Variants in RTF1 observed in about 807,000 individuals in gnomAD.
RTF1 encodes the protein RTF1 homolog, Paf1/RNA polymerase II complex component.
Under a neutral mutation model 95.7 loss-of-function variants are expected in RTF1, and 10 were observed. The observed-to-expected ratio is 0.10, with a 90% confidence interval of 0.06 to 0.18. RTF1 has a LOEUF of 0.18. Among genes scored for constraint, RTF1 ranks in the 10% least tolerant of loss-of-function variants. RTF1 has a pLI of 1.00. For synonymous variants in RTF1, 305 were observed against 311.8 expected, an observed-to-expected ratio of 0.98 and a Z score of 0.23; for missense variants, 458 against 875.6, an observed-to-expected ratio of 0.52 and a Z score of 6.02.
At chr15:41,444,336 C>G (rs1046536809) in intron 2 of RTF1, among the ~76,000 whole-genome samples, 1 of 151,548 alleles carries the variant, frequency 6.6e-6, no homozygotes, top group African/African-American at 2.4e-5. Context: ...CTCTGTCATC[C>G]AGGCTGGAGT....
At chr15:41,452,770 T>C (rs1327108885) in intron 2 of RTF1, 131 bp from the exon 3 acceptor site, 1 of 714,808 alleles carries the variant, frequency 1.4e-6, no homozygotes, top group Admixed American at 3.7e-5. Context: ...TCTGTATTTT[T>C]TTTCATATGA....
At chr15:41,461,920 C>CT (rs1225221132) in intron 4 of RTF1, among the ~76,000 whole-genome samples, 1,950 of 134,272 alleles carry the variant, frequency 0.015, 41 homozygotes, top group African/African-American at 0.046. Flanking sequence ...ATTTTTTTTT[C>CT]TTTTTTTTTT....
At chr15:41,441,003 ACT>A (rs2050731479) in intron 2 of RTF1, among the ~76,000 whole-genome samples, 1 of 108,410 alleles carries the variant, frequency 9.2e-6, no homozygotes, top group Admixed American at 1.3e-4. Context: ...ACGGAGTCTC[ACT>A]CTGTCACCCA....
At chr15:41,428,025 G>A (rs1210343007) in intron 1 of RTF1, among the ~76,000 whole-genome samples, 2 of 151,724 alleles carry the variant, frequency 1.3e-5, no homozygotes, top group Non-Finnish European at 1.5e-5. Flanking sequence ...GACCTCAGGT[G>A]ATCTGCCTGG....
rs761393103 is a variant in RTF1 at position 41,475,694 on chromosome 15, A to G, written c.1375-18A>G. 2.5e-6 allele frequency: 4 copies of G among 1,600,714 alleles called. No individual in the cohort carries two copies. The South Asian group carries it at 3.3e-5, about 13-fold the overall frequency. ...CAAAATCCCTTACTAATAATCTCGT[A>G]TCGTGTTTTTGATCCAGATGTTCTC... On this transcript the variant is annotated intron_variant, in intron 10 of 17. Coordinates refer to ENST00000389629, the MANE Select transcript of RTF1 (RefSeq NM_015138.5).
At chr15:41,444,965 T>C (rs1405110492) in intron 2 of RTF1, among the ~76,000 whole-genome samples, 1 of 152,142 alleles carries the variant, frequency 6.6e-6, no homozygotes, top group African/African-American at 2.4e-5. Flanking sequence ...GGAGTCTCGG[T>C]CTGTCGCCCA....
chr15:41,474,368 AG>A (rs2050931499), intron 8 of RTF1, among the ~76,000 whole-genome samples: 2 of 152,222 alleles, frequency 1.3e-5, no homozygotes, highest in South Asian at 4.1e-4. Flanking sequence ...AATTAGTTGG[AG>A]GAAAAGCTTC....
intron 2 of RTF1, among the ~76,000 whole-genome samples, chr15:41,443,790 G>A (rs922513560): frequency 1.1e-4 from 16 of 151,940 alleles, no homozygotes; most frequent in Admixed American, 8.5e-4. Context: ...AAATTGGGCC[G>A]GGTGCAGTGG....
intron 1 of RTF1, among the ~76,000 whole-genome samples, chr15:41,420,544 A>G (rs921579760): frequency 6.6e-6 from 1 of 152,054 alleles, no homozygotes; most frequent in African/African-American, 2.4e-5. Context: ...CTTGCTGTCT[A>G]GCGTATGGTA....
At position 41,456,437 on chromosome 15, in the gene RTF1, C is replaced by T. The variant is rs148132604; in HGVS notation, c.458-1235C>T. On this transcript the variant is annotated intron_variant, in intron 3 of 17. Transcript: ENST00000389629. Reference sequence around the variant, plus strand: ...CCGAGAGGCGGAGCTTGCGCTGAGTCGAGATCGTGCCACTGCACTCCAGCC... The same window carrying T: ...CCGAGAGGCGGAGCTTGCGCTGAGTTGAGATCGTGCCACTGCACTCCAGCC... Among the ~76,000 whole-genome samples, 368 of 149,590 alleles carry T rather than the reference C, an allele frequency of 2.5e-3. 1 individual carries two copies. Among genetic ancestry groups the T allele is most frequent in the African/African-American group, 8.6e-3 (349 of 40,612 alleles).
chr15:41,472,360 C>A (rs2050917195), intron 8 of RTF1, among the ~76,000 whole-genome samples: 1 of 151,478 alleles, frequency 6.6e-6, no homozygotes, highest in Non-Finnish European at 1.5e-5. Flanking sequence ...GCACCCGCCA[C>A]CGTGCCTGGC....
rs756367226 is a variant in RTF1 at position 41,479,179 on chromosome 15, C to T, written c.1895C>T (p.Ala632Val). The part of the protein sequence containing the change: ...AKYGSGVLPD[A>V]PKEMSKGQGK... ...TACGGTTCTGGAGTGTTACCAGATG[C>T]TCCAAAGGAAATGAGCAAGGCAAGT... The change falls in exon 16 of 18, where the codon GCT becomes GTT. Residue 632 changes from alanine to valine, a missense_variant. By Grantham distance (64) the Ala-to-Val change is moderately conservative (BLOSUM62 0). This residue lies in a region of RTF1 where 50 missense variants were observed against 100.0 expected (regional missense o/e 0.50). Transcript: ENST00000389629. The T allele has an allele frequency of 1.4e-5, 22 of 1,613,382 alleles. No individual in the cohort carries two copies. Among genetic ancestry groups the T allele is most frequent in the Admixed American group, 8.3e-5 (5 of 60,012 alleles).
intron 4 of RTF1, among the ~76,000 whole-genome samples, chr15:41,458,083 C>T (rs1668443977): frequency 6.6e-6 from 1 of 152,058 alleles, no homozygotes; most frequent in African/African-American, 2.4e-5. Flanking sequence ...TACTAATGTA[C>T]GTTATTCAGA....
At chr15:41,453,071 G>A in intron 3 of RTF1, 23 bp downstream of exon 3, 2 of 1,531,618 alleles carry the variant, frequency 1.3e-6, no homozygotes, top group Non-Finnish European at 1.7e-6. Flanking sequence ...GCCTAGACCT[G>A]GAAGGTCAAC....
At chr15:41,433,843 CTTTTTTTTTTT>C (rs11326489) in intron 1 of RTF1, among the ~76,000 whole-genome samples, 1 of 126,080 alleles carries the variant, frequency 7.9e-6, no homozygotes, top group African/African-American at 3.1e-5. Context: ...TGCTACCACA[CTTTTTTTTTTT>C]TTTTTTTTTT....
At chr15:41,454,724 T>C (rs1010480991) in intron 3 of RTF1, among the ~76,000 whole-genome samples, 4 of 152,210 alleles carry the variant, frequency 2.6e-5, no homozygotes, top group Admixed American at 6.5e-5. Flanking sequence ...CAATCACTTA[T>C]GGAGTATTCT....
intron 3 of RTF1, among the ~76,000 whole-genome samples, chr15:41,457,370 A>G (rs1052086681): frequency 9.9e-5 from 15 of 152,002 alleles, no homozygotes; most frequent in Non-Finnish European, 1.6e-4. Flanking sequence ...CCCGTCTCCA[A>G]TAAAAATACA....
chr15:41,418,224 A>G (rs535582184), intron 1 of RTF1, among the ~76,000 whole-genome samples: 19 of 152,334 alleles, frequency 1.2e-4, no homozygotes, highest in African/African-American at 4.3e-4. Context: ...CTTTCTGTTT[A>G]ATGAGCAAAT....
At chr15:41,441,687 A>G (rs983812783) in intron 2 of RTF1, among the ~76,000 whole-genome samples, 1 of 152,192 alleles carries the variant, frequency 6.6e-6, no homozygotes, top group African/African-American at 2.4e-5. Context: ...TGATTTGTGC[A>G]CGTATTGGAG....
Sources: allele counts gnomAD v4.1 joint callset (sites outside exome capture counted in the v4.1 genomes callset), GRCh38; gene constraint gnomAD v4.1.1; regional missense constraint gnomAD v4.1.1; transcripts MANE v1.5; gene names NCBI Gene and HGNC (gene_info 2026-07-23, HGNC 2026-07-21).